ABTB3: variants seen among roughly 807,000 people sequenced by gnomAD.
ABTB3 encodes ankyrin repeat- and BTB/POZ domain-containing protein 3.
At chr12:107,637,983 C>G in the ABTB3 span, among the ~76,000 whole-genome samples, 1 of 151,906 alleles carries the variant, frequency 6.6e-6, no homozygotes, top group Non-Finnish European at 1.5e-5. Context: ...GGCAGGTTAC[C>G]GAGCAGAGAG....
At chr12:107,493,455 C>T in the ABTB3 span, among the ~76,000 whole-genome samples, 1 of 152,172 alleles carries the variant, frequency 6.6e-6, no homozygotes, top group South Asian at 2.1e-4. Context: ...AAAAGCAGCC[C>T]CATGTGTTAG....
the ABTB3 span, among the ~76,000 whole-genome samples, chr12:107,343,968 A>G: frequency 6.6e-6 from 1 of 152,174 alleles, no homozygotes. Context: ...TTGGATTACA[A>G]TTCAAGAGAG....
At chr12:107,494,043 C>T in the ABTB3 span, among the ~76,000 whole-genome samples, 1 of 152,146 alleles carries the variant, frequency 6.6e-6, no homozygotes, top group Non-Finnish European at 1.5e-5. Context: ...CTTCTTAGAC[C>T]TAACAGCACT....
At chr12:107,516,463 C>A in the ABTB3 span, among the ~76,000 whole-genome samples, 1 of 152,106 alleles carries the variant, frequency 6.6e-6, no homozygotes, top group Non-Finnish European at 1.5e-5. Flanking sequence ...AACTCCTGAC[C>A]TCAGGTGATC....
chr12:107,594,636 G>C, the ABTB3 span, among the ~76,000 whole-genome samples: 1 of 152,090 alleles, frequency 6.6e-6, no homozygotes, highest in Non-Finnish European at 1.5e-5. Context: ...AAAGAAAAGG[G>C]AAAAAATCAT....
the ABTB3 span, among the ~76,000 whole-genome samples, chr12:107,321,979 T>G: frequency 1.3e-5 from 2 of 152,174 alleles, no homozygotes; most frequent in Non-Finnish European, 2.9e-5. Flanking sequence ...ATCCTGAAGT[T>G]GTGAGTTTGG....
At chr12:107,567,184 G>A in the ABTB3 span, among the ~76,000 whole-genome samples, 1 of 152,246 alleles carries the variant, frequency 6.6e-6, no homozygotes, top group Non-Finnish European at 1.5e-5. Context: ...GCTCAGAGTA[G>A]TCAGGGTCCT....
chr12:107,471,368 C>T, the ABTB3 span, among the ~76,000 whole-genome samples: 5 of 152,218 alleles, frequency 3.3e-5, no homozygotes, highest in African/African-American at 4.8e-5. Context: ...CCTAATCTTC[C>T]AGAATAGAAG....
At chr12:107,458,086 A>G in the ABTB3 span, among the ~76,000 whole-genome samples, 5 of 152,176 alleles carry the variant, frequency 3.3e-5, no homozygotes, top group African/African-American at 9.7e-5. Context: ...CACCTCTGCT[A>G]TCTTTGTTCT....
At chr12:107,377,223 A>C in the ABTB3 span, among the ~76,000 whole-genome samples, 1 of 152,238 alleles carries the variant, frequency 6.6e-6, no homozygotes, top group Admixed American at 6.5e-5. Context: ...CCCAGCCCCC[A>C]TGCACCAATT....
chr12:107,620,107 G>A, the ABTB3 span: 13 of 1,614,176 alleles, frequency 8.1e-6, no homozygotes, highest in Middle Eastern at 1.6e-4. Context: ...AGGAATACAC[G>A]GAGGAGCTCG....
At chr12:107,532,560 T>C in the ABTB3 span, among the ~76,000 whole-genome samples, 2 of 152,128 alleles carry the variant, frequency 1.3e-5, no homozygotes, top group Non-Finnish European at 2.9e-5. Context: ...CAAAAGCTAC[T>C]CCATAAAATT....
At chr12:107,367,012 C>T in the ABTB3 span, among the ~76,000 whole-genome samples, 1 of 152,224 alleles carries the variant, frequency 6.6e-6, no homozygotes, top group Non-Finnish European at 1.5e-5. Context: ...ACCTGTCAGT[C>T]AGCTGGAGCA....
the ABTB3 span, among the ~76,000 whole-genome samples, chr12:107,517,260 G>A: frequency 2.0e-5 from 3 of 152,272 alleles, no homozygotes; most frequent in Admixed American, 2.0e-4. Context: ...ATGCTGTTTT[G>A]GTTACTGTAG....
the ABTB3 span, among the ~76,000 whole-genome samples, chr12:107,435,448 CTTTA>C: frequency 6.6e-6 from 1 of 152,222 alleles, no homozygotes; most frequent in Non-Finnish European, 1.5e-5. Flanking sequence ...TTGAAATGAT[CTTTA>C]TTCATTCATC....
chr12:107,499,497 G>A, the ABTB3 span, among the ~76,000 whole-genome samples: 1 of 152,044 alleles, frequency 6.6e-6, no homozygotes, highest in Non-Finnish European at 1.5e-5. Context: ...TTTGCCCTGT[G>A]TATTCGTCTG....
At chr12:107,340,762 A>G in the ABTB3 span, among the ~76,000 whole-genome samples, 3 of 152,214 alleles carry the variant, frequency 2.0e-5, no homozygotes, top group Admixed American at 6.5e-5. Flanking sequence ...CTCCTGGGAA[A>G]TTCACCAGAG....
chr12:107,525,298 G>C, the ABTB3 span, among the ~76,000 whole-genome samples: 1 of 104,376 alleles, frequency 9.6e-6, no homozygotes, highest in African/African-American at 3.9e-5. Context: ...CTGCACTCCA[G>C]CCTAGGCGAC....
the ABTB3 span, among the ~76,000 whole-genome samples, chr12:107,458,668 T>C: frequency 4.1e-3 from 621 of 152,200 alleles, 8 homozygotes; most frequent in African/African-American, 0.013. Context: ...AGCCAGGACT[T>C]GAACCCTAGA....
Sources: allele counts gnomAD v4.1 joint callset (sites outside exome capture counted in the v4.1 genomes callset), GRCh38; gene constraint gnomAD v4.1.1; transcripts MANE v1.5; gene names NCBI Gene and HGNC (gene_info 2026-07-23, HGNC 2026-07-21).